HS6ST3: variants seen among roughly 807,000 people sequenced by gnomAD.
HS6ST3 encodes heparan sulfate 6-O-sulfotransferase 3, also known as heparan-sulfate 6-O-sulfotransferase 3.
Under a neutral mutation model 36.7 loss-of-function variants are expected in HS6ST3, and 12 were observed. That is an observed-to-expected ratio of 0.33 (90% CI 0.21 to 0.53). HS6ST3 has a LOEUF of 0.53. Ranked by LOEUF, HS6ST3 falls within the 20% of genes least tolerant of loss-of-function variation. The pLI is 0.95. For missense variants in HS6ST3, 584 were observed against 640.9 expected (o/e 0.91, Z 0.96); for synonymous variants, 240 against 257.5 (o/e 0.93, Z 0.65).
chr13:96,361,636 A>G (rs1347239329), intron 1 of HS6ST3, among the ~76,000 whole-genome samples: 1 of 152,170 alleles, frequency 6.6e-6, no homozygotes, highest in East Asian at 1.9e-4. Flanking sequence ...AATCTTTAAG[A>G]TCTGAGTGCC....
At chr13:96,399,011 A>G (rs1158497742) in intron 1 of HS6ST3, among the ~76,000 whole-genome samples, 1 of 152,236 alleles carries the variant, frequency 6.6e-6, no homozygotes, top group Admixed American at 6.5e-5. Flanking sequence ...CCCTGAGCAC[A>G]GGACCCAGCT....
chr13:96,357,905 A>G (rs1566336481), intron 1 of HS6ST3, among the ~76,000 whole-genome samples: 1 of 152,238 alleles, frequency 6.6e-6, no homozygotes, highest in African/African-American at 2.4e-5. Context: ...ACAGATCACT[A>G]TAATAGATAT....
At chr13:96,773,171 A>C (rs1020352745) in intron 1 of HS6ST3, among the ~76,000 whole-genome samples, 1 of 152,242 alleles carries the variant, frequency 6.6e-6, no homozygotes, top group Non-Finnish European at 1.5e-5. Context: ...TGCACCCTGC[A>C]GACCAGGAGA....
chr13:96,213,350 AT>A (rs1345237935), intron 1 of HS6ST3, among the ~76,000 whole-genome samples: 1 of 151,586 alleles, frequency 6.6e-6, no homozygotes, highest in Non-Finnish European at 1.5e-5. Flanking sequence ...TTTTTCTCTG[AT>A]TTTGCTGGGG....
At chr13:96,625,133 G>C (rs551575421) in intron 1 of HS6ST3, among the ~76,000 whole-genome samples, 1 of 152,152 alleles carries the variant, frequency 6.6e-6, no homozygotes, top group Non-Finnish European at 1.5e-5. Context: ...TTTTAATTAC[G>C]TGTGAATTAA....
intron 1 of HS6ST3, among the ~76,000 whole-genome samples, chr13:96,783,664 A>G (rs2138515474): frequency 6.6e-6 from 1 of 151,392 alleles, no homozygotes; most frequent in Non-Finnish European, 1.5e-5. Flanking sequence ...GAGCCACTTC[A>G]GGTTTGTTAG....
At chr13:96,696,578 G>GA (rs1176094033) in intron 1 of HS6ST3, among the ~76,000 whole-genome samples, 1 of 152,180 alleles carries the variant, frequency 6.6e-6, no homozygotes, top group Non-Finnish European at 1.5e-5. Flanking sequence ...CGATCCCCAG[G>GA]AACAGTGTTC....
intron 1 of HS6ST3, among the ~76,000 whole-genome samples, chr13:96,188,080 C>A (rs536074269): frequency 1.2e-4 from 19 of 152,212 alleles, no homozygotes; most frequent in Admixed American, 8.5e-4. Flanking sequence ...TCCTCTTCCC[C>A]CTATAGCACC....
At chr13:96,474,738 G>C (rs1344207658) in intron 1 of HS6ST3, among the ~76,000 whole-genome samples, 1 of 152,140 alleles carries the variant, frequency 6.6e-6, no homozygotes, top group East Asian at 1.9e-4. Flanking sequence ...GCCCAGGGAG[G>C]CTTGTTCAAC....
At chr13:96,569,603 T>C (rs1196055605) in intron 1 of HS6ST3, among the ~76,000 whole-genome samples, 1 of 152,220 alleles carries the variant, frequency 6.6e-6, no homozygotes, top group African/African-American at 2.4e-5. Context: ...TTATTAAATA[T>C]GTTAAAAATT....
intron 1 of HS6ST3, among the ~76,000 whole-genome samples, chr13:96,799,647 G>A (rs1877994749): frequency 7.4e-6 from 1 of 135,204 alleles, no homozygotes; most frequent in Admixed American, 7.7e-5. Context: ...GGAGGGAGGG[G>A]GGAGGGATAG....
At chr13:96,704,947 T>C (rs893154826) in intron 1 of HS6ST3, among the ~76,000 whole-genome samples, 1 of 152,210 alleles carries the variant, frequency 6.6e-6, no homozygotes, top group African/African-American at 2.4e-5. Context: ...TTTACTATGA[T>C]ATTTTAAAAA....
intron 1 of HS6ST3, chr13:96,573,773 C>A: frequency 2.8e-6 from 1 of 353,574 alleles, no homozygotes; most frequent in Non-Finnish European, 5.5e-6. Context: ...CTCTTCAAAA[C>A]TGCCAGCATG....
chr13:96,679,755 C>T (rs1013990305), intron 1 of HS6ST3, among the ~76,000 whole-genome samples: 24 of 152,214 alleles, frequency 1.6e-4, no homozygotes, highest in African/African-American at 5.5e-4. Context: ...AGTGTGGCAA[C>T]GGTGTTGCAC....
chr13:96,644,507 G>C (rs2056581187), intron 1 of HS6ST3, among the ~76,000 whole-genome samples: 1 of 152,014 alleles, frequency 6.6e-6, no homozygotes. Flanking sequence ...AGTGGGTTTA[G>C]TTTGGAGTCC....
intron 1 of HS6ST3, among the ~76,000 whole-genome samples, chr13:96,121,272 G>A (rs924778638): frequency 2.6e-5 from 4 of 152,092 alleles, no homozygotes; most frequent in South Asian, 2.1e-4. Context: ...GCTGAATTGC[G>A]CTATATTCGA....
At chr13:96,549,610 A>G (rs2056211137) in intron 1 of HS6ST3, among the ~76,000 whole-genome samples, 1 of 152,216 alleles carries the variant, frequency 6.6e-6, no homozygotes, top group South Asian at 2.1e-4. Context: ...TCATTGTAAA[A>G]TATAAACTTT....
intron 1 of HS6ST3, among the ~76,000 whole-genome samples, chr13:96,546,389 A>T (rs2056197833): frequency 6.6e-6 from 1 of 152,130 alleles, no homozygotes; most frequent in South Asian, 2.1e-4. Context: ...ACTTGATAGT[A>T]CTTCTCTCCT....
chr13:96,698,157 T>C (rs1875183276), intron 1 of HS6ST3, among the ~76,000 whole-genome samples: 1 of 152,166 alleles, frequency 6.6e-6, no homozygotes, highest in Non-Finnish European at 1.5e-5. Context: ...AACTCATTAT[T>C]TAACATTAGG....
Sources: gnomAD v4.1 joint callset for allele counts (sites outside exome capture counted in the v4.1 genomes callset) on GRCh38, gnomAD v4.1.1 for gene constraint, MANE v1.5 for transcripts, NCBI Gene and HGNC (gene_info 2026-07-23, HGNC 2026-07-21) for gene names.